The following MAST4 variants were observed in gnomAD, a reference collection of about 807,000 sequenced individuals.
MAST4 encodes the protein microtubule-associated serine/threonine-protein kinase 4.
In MAST4, 89 loss-of-function variants were observed where a neutral mutation model predicts 162.7. The ratio of observed to expected loss-of-function variants is 0.55; its 90% CI spans 0.46 to 0.65. The LOEUF is 0.65. Among genes scored for constraint, MAST4 ranks in the 30% least tolerant of loss-of-function variants. The pLI is 0.00. For synonymous variants in MAST4, 1,479 were observed against 1,361.1 expected (o/e 1.09, Z -1.91); for missense variants, 3,153 against 3,374.0 (o/e 0.93, Z 1.62).
At chr5:66,942,304 C>T (rs896801398) in intron 4 of MAST4, among the ~76,000 whole-genome samples, 4 of 152,058 alleles carry the variant, frequency 2.6e-5, no homozygotes, top group Admixed American at 2.6e-4. Flanking sequence ...CATTGATAAG[C>T]ATATAGTTAT....
chr5:66,725,195 C>T (rs1751436057), intron 1 of MAST4, among the ~76,000 whole-genome samples: 1 of 151,626 alleles, frequency 6.6e-6, no homozygotes, highest in Non-Finnish European at 1.5e-5. Flanking sequence ...TTAATTTTTC[C>T]TCAGAAAGTT....
chr5:67,073,094 TA>T (rs1185338058), intron 5 of MAST4, among the ~76,000 whole-genome samples: 1 of 152,156 alleles, frequency 6.6e-6, no homozygotes, highest in Non-Finnish European at 1.5e-5. Flanking sequence ...GAGGAATTAT[TA>T]AAGTATATTA....
chr5:66,836,016 C>G (rs190197221), intron 3 of MAST4, among the ~76,000 whole-genome samples: 67 of 152,008 alleles, frequency 4.4e-4, no homozygotes, highest in African/African-American at 1.5e-3. Context: ...TAAAAAAATA[C>G]AAAAATTAGC....
Position 67,166,910 on chromosome 5 carries a change from C to G in MAST4, c.7731C>G (p.Asn2577Lys), listed in dbSNP as rs751976813. 5.6e-6 allele frequency: 9 copies of G among 1,611,370 alleles called. No individual in the cohort carries two copies. The highest frequency in any genetic ancestry group is 4.2e-6 in the Non-Finnish European group (5 of 1,179,210). Reference protein sequence around the residue: ...PAQPPPARKQNVGRDVTKPSP... With the variant: ...PAQPPPARKQKVGRDVTKPSP... ...AGCCTCCCCCAGCTAGGAAACAGAA[C>G]GTGGGCAGAGACGTGACCAAGCCAT... is the stretch of plus-strand genomic sequence containing the variant. The change falls in exon 29 of 29, where the codon AAC (asparagine) becomes AAG (lysine). Residue 2577 changes from asparagine (N) to lysine (K), a missense_variant. Coordinates refer to ENST00000403625, the MANE Select transcript of MAST4 (RefSeq NM_001164664.2).
intron 4 of MAST4, among the ~76,000 whole-genome samples, chr5:66,951,323 G>A (rs1019619698): frequency 6.6e-6 from 1 of 152,136 alleles, no homozygotes; most frequent in African/African-American, 2.4e-5. Context: ...TAGTTGTCCA[G>A]CTTCCAGCAA....
chr5:66,902,942 C>T (rs956779785), intron 4 of MAST4, among the ~76,000 whole-genome samples: 5 of 152,034 alleles, frequency 3.3e-5, no homozygotes, highest in African/African-American at 9.7e-5. Context: ...CTGTCAAAAT[C>T]GTGATATAGT....
chr5:67,161,164 A>C (rs1773139573), intron 27 of MAST4, among the ~76,000 whole-genome samples: 1 of 152,234 alleles, frequency 6.6e-6, no homozygotes, highest in Non-Finnish European at 1.5e-5. Flanking sequence ...TGTTTCTGGC[A>C]GGGCTGTTTC....
intron 2 of MAST4, among the ~76,000 whole-genome samples, chr5:66,765,299 G>C (rs1754044489): frequency 6.6e-6 from 1 of 152,128 alleles, no homozygotes; most frequent in Admixed American, 6.6e-5. Flanking sequence ...CCAGGTTCCA[G>C]GATACCGAAG....
intron 1 of MAST4, among the ~76,000 whole-genome samples, chr5:66,642,145 T>G (rs1317389508): frequency 6.6e-6 from 1 of 152,060 alleles, no homozygotes; most frequent in Non-Finnish European, 1.5e-5. Context: ...TAGGATATAT[T>G]CTTGAAAAAA....
chr5:67,166,255 G>A lies in MAST4; in HGVS notation c.7076G>A (p.Ser2359Asn). The A allele has an allele frequency of 6.4e-7, 1 of 1,553,078 alleles. No individual in the cohort carries two copies. The highest frequency in any genetic ancestry group is 8.7e-7 in the Non-Finnish European group (1 of 1,147,760). Residue 2359 changes from serine (S) to asparagine (N), a missense_variant, in exon 29 of 29, where the codon AGT becomes AAT. Around this residue, in one of 7 missense-constraint regions of MAST4, gnomAD observed 1,644 missense variants for 1,495.0 expected, o/e 1.10. Transcript: ENST00000403625. Reference protein sequence around the residue: ...TDNRQTDKSPSQPAANTDRRA... With the variant: ...TDNRQTDKSPNQPAANTDRRA... ...AACAGACAGACAGACAAAAGCCCGA[G>A]TCAGCCGGCCGCCAACACCGACAGA...
At chr5:66,990,299 A>C (rs1345673302) in intron 4 of MAST4, among the ~76,000 whole-genome samples, 1 of 152,176 alleles carries the variant, frequency 6.6e-6, no homozygotes, top group Non-Finnish European at 1.5e-5. Flanking sequence ...AGGTTAAGTA[A>C]CTTATCCAAG....
chr5:67,037,168 G>A (rs1384633250), intron 4 of MAST4, among the ~76,000 whole-genome samples: 2 of 152,150 alleles, frequency 1.3e-5, no homozygotes, highest in Non-Finnish European at 2.9e-5. Flanking sequence ...GCTGAGGTAG[G>A]AGAATCACTT....
chr5:66,724,458 A>G (rs1242393338), intron 1 of MAST4, among the ~76,000 whole-genome samples: 1 of 151,982 alleles, frequency 6.6e-6, no homozygotes, highest in Non-Finnish European at 1.5e-5. Flanking sequence ...GCTTGGTAAC[A>G]GGGGAGTGTA....
chr5:67,068,998 G>A (rs1760575679), intron 5 of MAST4, among the ~76,000 whole-genome samples: 1 of 151,794 alleles, frequency 6.6e-6, no homozygotes, highest in African/African-American at 2.4e-5. Context: ...CCCTCCTGCT[G>A]ACACCCTTCT....
At chr5:66,845,361 A>G (rs946104684) in intron 3 of MAST4, among the ~76,000 whole-genome samples, 3 of 151,674 alleles carry the variant, frequency 2.0e-5, no homozygotes, top group Non-Finnish European at 4.4e-5. Flanking sequence ...GAGTAAGAAC[A>G]TGCAGTGTTT....
intron 3 of MAST4, among the ~76,000 whole-genome samples, chr5:66,883,742 A>T (rs934689978): frequency 9.9e-5 from 15 of 152,124 alleles, no homozygotes; most frequent in Admixed American, 7.2e-4. Flanking sequence ...AAACACATGG[A>T]CATGGTAACA....
At chr5:67,134,730 G>C in intron 18 of MAST4, 42 bp downstream of exon 18, 1 of 1,517,328 alleles carries the variant, frequency 6.6e-7, no homozygotes, top group Non-Finnish European at 9.0e-7. Context: ...CTGTTGGGAA[G>C]CAGCTATTTA....
intron 1 of MAST4, among the ~76,000 whole-genome samples, chr5:66,692,501 C>CAGGGA (rs1749113857): frequency 1.3e-5 from 2 of 151,724 alleles, no homozygotes; most frequent in Non-Finnish European, 2.9e-5. Flanking sequence ...TCTTCCATCC[C>CAGGGA]TGGGAGATGA....
At chr5:66,747,481 T>C (rs1752840947) in intron 1 of MAST4, among the ~76,000 whole-genome samples, 1 of 152,194 alleles carries the variant, frequency 6.6e-6, no homozygotes, top group Admixed American at 6.5e-5. Context: ...TGGACATTCA[T>C]TGAGAAAGTG....
Sources: allele counts gnomAD v4.1 joint callset (sites outside exome capture counted in the v4.1 genomes callset), GRCh38; gene constraint gnomAD v4.1.1; regional missense constraint gnomAD v4.1.1; transcripts MANE v1.5; gene names NCBI Gene and HGNC (gene_info 2026-07-23, HGNC 2026-07-21).